EFCAB5: variants seen among roughly 807,000 people sequenced by gnomAD.
EFCAB5 encodes EF-hand calcium binding domain 5.
In EFCAB5, 131 loss-of-function variants were observed where a neutral mutation model predicts 167.9. The observed-to-expected ratio is 0.78, with a 90% CI of 0.68 to 0.90. The LOEUF (loss-of-function observed/expected upper bound fraction) is 0.90, where lower values mean the gene tolerates loss of function less well. EFCAB5 is among the 40% of genes least tolerant of loss of function. The pLI, the probability that EFCAB5 is intolerant of heterozygous loss-of-function variation, is 0.00. For missense variants in EFCAB5, 1,663 were observed against 1,745.2 expected (o/e 0.95, Z 0.84); for synonymous variants, 574 against 602.8 (o/e 0.95, Z 0.70).
At chr17:30,080,627 T>C (rs966425669) in intron 16 of EFCAB5, 126 bp from the exon 17 acceptor site, 1 of 700,560 alleles carries the variant, frequency 1.4e-6, no homozygotes, top group Non-Finnish European at 2.4e-6. Context: ...GGTCATCTTA[T>C]CTGAGTCCAC....
chr17:29,997,621 T>A (rs539061356), intron 6 of EFCAB5, among the ~76,000 whole-genome samples: 50 of 152,276 alleles, frequency 3.3e-4, no homozygotes, highest in African/African-American at 1.2e-3. Flanking sequence ...TTCATATAAG[T>A]TATATTCTTG....
At chr17:30,053,170 A>G (rs2070148119) in intron 9 of EFCAB5, 85 bp from the exon 10 acceptor site, 3 of 1,454,244 alleles carry the variant, frequency 2.1e-6, no homozygotes, top group East Asian at 4.6e-5. Flanking sequence ...TCTGTGCTCA[A>G]TGCTTTTCTT....
chr17:29,974,713 C>T (rs1022371283), intron 4 of EFCAB5, among the ~76,000 whole-genome samples: 1 of 152,048 alleles, frequency 6.6e-6, no homozygotes, highest in African/African-American at 2.4e-5. Context: ...AAAATGAAAG[C>T]GTTTTGCCAG....
At chr17:29,979,595 T>A (rs2068131390) in intron 4 of EFCAB5, among the ~76,000 whole-genome samples, 1 of 152,234 alleles carries the variant, frequency 6.6e-6, no homozygotes, top group Non-Finnish European at 1.5e-5. Flanking sequence ...CCTTTGTTTC[T>A]TTAGCTGGCT....
Position 30,090,657 on chromosome 17 carries a change from A to C in EFCAB5, c.3920A>C (p.Lys1307Thr), listed in dbSNP as rs1460163048. ...CTTGGCGAGTTCTCTGGAGAGATAA[A>C]GAAAAAATATATCTTAGGTATCGTT... is the stretch of plus-strand genomic sequence containing the variant. ...EILGEFSGEI[K>T]KKYILEIENV... The change falls in exon 20 of 23, where the codon AAG becomes ACG. Residue 1307 changes from lysine (K) to threonine (T), a missense_variant. Lys to Thr is a moderately conservative substitution (Grantham distance 78, BLOSUM62 -1). Coordinates refer to ENST00000394835, the MANE Select transcript of EFCAB5 (RefSeq NM_198529.4). The C allele has an allele frequency of 1.2e-6, 2 of 1,612,416 alleles. No individual in the cohort carries two copies. The highest frequency in any genetic ancestry group is 1.7e-6 in the Non-Finnish European group (2 of 1,179,548).
At chr17:30,076,625 A>G (rs1193267264) in intron 14 of EFCAB5, among the ~76,000 whole-genome samples, 1 of 152,246 alleles carries the variant, frequency 6.6e-6, no homozygotes, top group Non-Finnish European at 1.5e-5. Context: ...GAGAAATCAC[A>G]ACGGAAGTCT....
At chr17:30,022,864 G>A (rs879488303) in intron 7 of EFCAB5, among the ~76,000 whole-genome samples, 15 of 152,054 alleles carry the variant, frequency 9.9e-5, no homozygotes, top group Non-Finnish European at 1.9e-4. Context: ...CTAGAACTCA[G>A]GATTAAGAAA....
chr17:30,058,748 A>T (rs1373281134), intron 13 of EFCAB5, among the ~76,000 whole-genome samples: 1 of 152,130 alleles, frequency 6.6e-6, no homozygotes, highest in Non-Finnish European at 1.5e-5. Flanking sequence ...TTATGCTTGT[A>T]ATTCCAGTGC....
chr17:29,986,402 G>C (rs2068282273), intron 4 of EFCAB5, among the ~76,000 whole-genome samples: 1 of 152,066 alleles, frequency 6.6e-6, no homozygotes. Context: ...ATTTTGTTTA[G>C]ACCAGCTGAA....
At position 29,944,998 on chromosome 17, in the gene EFCAB5, C is replaced by T. The variant is rs117489498; in HGVS notation, c.190+1349C>T. On this transcript the variant is annotated intron_variant, in intron 3 of 22. Coordinates refer to ENST00000394835, the MANE Select transcript of EFCAB5 (RefSeq NM_198529.4). ...TTGATCCAAAGCTTGACTCCTAGCC[C>T]CATCCTTAACCCAAATTCCACATAA... is the stretch of plus-strand genomic sequence containing the variant. Among the ~76,000 whole-genome samples the T allele has an allele frequency of 3.7e-3, 560 of 152,194 alleles. 10 individuals carry two copies. Among genetic ancestry groups the T allele is most frequent in the Admixed American group, 0.031 (466 of 15,278 alleles).
chr17:30,098,300 T>A (rs142525616), intron 22 of EFCAB5, among the ~76,000 whole-genome samples: 5,476 of 151,024 alleles, frequency 0.036, 143 homozygotes, highest in Middle Eastern at 0.068. Context: ...TGAGGTGGGC[T>A]GATCGCTTGA....
At chr17:29,937,284 T>C (rs1049922399), upstream of EFCAB5, among the ~76,000 whole-genome samples, 2 of 152,134 alleles carry the variant, frequency 1.3e-5, no homozygotes, top group African/African-American at 4.8e-5. Context: ...CCTCCCAGGT[T>C]CAAGTGATTC....
intron 8 of EFCAB5, among the ~76,000 whole-genome samples, chr17:30,044,340 G>C (rs1200604618): frequency 6.6e-6 from 1 of 152,170 alleles, no homozygotes; most frequent in African/African-American, 2.4e-5. Context: ...CACTTTGGGA[G>C]GCCAAGGTGG....
chr17:29,947,865 G>A (rs993244778), intron 3 of EFCAB5, among the ~76,000 whole-genome samples: 1 of 151,984 alleles, frequency 6.6e-6, no homozygotes, highest in African/African-American at 2.4e-5. Context: ...TTGCTCTGTC[G>A]TCCAGGCTGG....
intron 1 of EFCAB5, chr17:29,930,142 G>T: frequency 1.3e-6 from 1 of 745,460 alleles, no homozygotes; most frequent in Non-Finnish European, 2.2e-6. Context: ...GGGAACGGCC[G>T]CAGACTCCGC....
At chr17:29,955,680 A>G (rs746377392) in intron 3 of EFCAB5, among the ~76,000 whole-genome samples, 1 of 152,202 alleles carries the variant, frequency 6.6e-6, no homozygotes. Context: ...ACACAAATGG[A>G]AAAACATTTC....
chr17:30,039,126 C>T (rs897287805), intron 8 of EFCAB5, among the ~76,000 whole-genome samples: 8 of 152,240 alleles, frequency 5.3e-5, no homozygotes, highest in Admixed American at 2.6e-4. Context: ...TTAGAATTTC[C>T]GGTAAACCAA....
intron 7 of EFCAB5, among the ~76,000 whole-genome samples, chr17:30,024,872 T>A (rs1328900160): frequency 1.3e-5 from 2 of 151,556 alleles, no homozygotes; most frequent in Non-Finnish European, 2.9e-5. Context: ...CCCTCAGAAA[T>A]AACGCCGCAT....
intron 8 of EFCAB5, among the ~76,000 whole-genome samples, chr17:30,039,586 T>A (rs1240805590): frequency 6.6e-6 from 1 of 152,128 alleles, no homozygotes; most frequent in Non-Finnish European, 1.5e-5. Context: ...ATACCCCAAG[T>A]TGGAATTTAT....
Sources: allele counts gnomAD v4.1 joint callset (sites outside exome capture counted in the v4.1 genomes callset), GRCh38; gene constraint gnomAD v4.1.1; transcripts MANE v1.5; gene names NCBI Gene and HGNC (gene_info 2026-07-23, HGNC 2026-07-21).